The following KAT14 variants were observed in gnomAD, a reference collection of about 807,000 sequenced individuals.
The protein encoded by KAT14 is lysine acetyltransferase 14.
KAT14 carries 66 observed loss-of-function variants against 78.4 expected under a neutral mutation model. The observed-to-expected ratio is 0.84, with a 90% CI of 0.69 to 1.03. The LOEUF (loss-of-function observed/expected upper bound fraction) is 1.03, where lower values mean the gene tolerates loss of function less well. Among genes scored for constraint, KAT14 ranks in the 50% least tolerant of loss-of-function variants. The pLI is 0.00. For synonymous variants in KAT14, 344 were observed against 359.4 expected (o/e 0.96, Z 0.48); for missense variants, 870 against 972.5 (o/e 0.89, Z 1.40).
Position 18,181,720 on chromosome 20 carries a change from C to A in KAT14, c.1679C>A (p.Pro560Gln). ...RILDRYQTSL[P>Q]SRKGFRHQTT... ...GTTTCTTTCTCATAGACTTCCTTGC[C>A]GTCCAGGAAGGGATTTCGACACCAG... The change falls in exon 8 of 11, where the codon CCG (proline) becomes CAG (glutamine). Residue 560 changes from proline to glutamine, a missense_variant. Coordinates refer to ENST00000688188, the MANE Select transcript of KAT14 (RefSeq NM_001392073.1). 6.2e-7 allele frequency: 1 copy of A among 1,614,070 alleles called. No homozygotes were observed. The highest frequency in any genetic ancestry group is 1.7e-5 in the Admixed American group (1 of 60,004).
At chr20:18,174,696 T>C (rs1231234132) in intron 7 of KAT14, among the ~76,000 whole-genome samples, 4 of 150,788 alleles carry the variant, frequency 2.7e-5, no homozygotes, top group African/African-American at 9.7e-5. Flanking sequence ...GGATTTTTAC[T>C]GTTGTCGCCC....
chr20:18,179,659 C>T (rs1376042451), intron 7 of KAT14, among the ~76,000 whole-genome samples: 1 of 152,196 alleles, frequency 6.6e-6, no homozygotes, highest in Admixed American at 6.5e-5. Flanking sequence ...GAGGGGCTGC[C>T]ATGAATACCT....
chr20:18,141,051 T>TG lies in KAT14; in HGVS notation c.-453-1157_-453-1156insG, dbSNP rs1555801419. 7.7e-4 allele frequency among the ~76,000 whole-genome samples: 84 copies of TG among 109,698 alleles called. 5 individuals carry two copies. The highest frequency in any genetic ancestry group is 5.3e-3 in the Middle Eastern group (1 of 190). 72.0% of individuals were successfully genotyped at this position (109,698 alleles called of 152,430 possible). A position where few individuals can be genotyped will look rare whatever the true frequency, so the allele number is the denominator to read the frequency against. On this transcript the variant is annotated intron_variant, in intron 1 of 10. Coordinates refer to ENST00000688188, the MANE Select transcript of KAT14 (RefSeq NM_001392073.1). The stretch of plus-strand genomic sequence containing the variant: ...TTTTTTTTTTTTTTTTTTTTTATTT[T>TG]TATTTTTGCTAGAGATGGGATTTTG...
At chr20:18,152,713 G>A (rs1380997492) in intron 4 of KAT14, among the ~76,000 whole-genome samples, 1 of 152,196 alleles carries the variant, frequency 6.6e-6, no homozygotes, top group Non-Finnish European at 1.5e-5. Flanking sequence ...TGTATTACTA[G>A]TATTTGTTTT....
chr20:18,161,541 GAGT>G (rs1346005489), intron 5 of KAT14, among the ~76,000 whole-genome samples: 4 of 152,094 alleles, frequency 2.6e-5, no homozygotes, highest in Non-Finnish European at 5.9e-5. Context: ...AACTAAAGTT[GAGT>G]AGTTATTTTA....
At chr20:18,150,191 G>T (rs6081004) in intron 3 of KAT14, among the ~76,000 whole-genome samples, 1 of 152,112 alleles carries the variant, frequency 6.6e-6, no homozygotes, top group African/African-American at 2.4e-5. Context: ...TGAGTGGCTA[G>T]GCCTTTCAGT....
intron 2 of KAT14, chr20:18,143,180 C>A: frequency 1.7e-6 from 2 of 1,201,318 alleles, no homozygotes; most frequent in South Asian, 2.6e-5. Context: ...TCCTGTGTTA[C>A]TTAAAGAATT....
chr20:18,170,742 T>C (rs2038815738), intron 7 of KAT14, among the ~76,000 whole-genome samples: 1 of 152,196 alleles, frequency 6.6e-6, no homozygotes, highest in African/African-American at 2.4e-5. Context: ...TTTCACCGTG[T>C]TAGCCAGGAG....
Position 18,163,036 on chromosome 20 carries a change from C to T in KAT14, c.1668+91C>T, listed in dbSNP as rs2038506579. The T allele has an allele frequency of 3.5e-6, 5 of 1,434,464 alleles. No homozygotes were observed. In the Admixed American group the frequency reaches 8.1e-5, roughly 23 times the overall value. 88.9% of individuals were successfully genotyped at this position (1,434,464 alleles called of 1,614,324 possible). A position where few individuals can be genotyped will look rare whatever the true frequency, so the allele number is the denominator to read the frequency against. ...GCATTGGACATGGTTATGCTGTGAC[C>T]TTTTAAATCCTGAGTAATTTGGGAA... On this transcript the variant is annotated intron_variant, in intron 7 of 10. Transcript: ENST00000688188.
intron 4 of KAT14, among the ~76,000 whole-genome samples, chr20:18,152,948 G>A (rs1221090240): frequency 6.6e-6 from 1 of 152,186 alleles, no homozygotes; most frequent in Non-Finnish European, 1.5e-5. Flanking sequence ...TGTCCACGTG[G>A]ATCTATCAAG....
At chr20:18,159,942 C>T (rs1384998342) in intron 5 of KAT14, among the ~76,000 whole-genome samples, 2 of 152,176 alleles carry the variant, frequency 1.3e-5, no homozygotes, top group African/African-American at 4.8e-5. Context: ...GAGGTACAGT[C>T]TCGCTTTGTT....
rs1288288116 is a variant in KAT14, at chr20:18,181,811, C to T, written c.1770C>T (p.Ser590=). The change falls in exon 8 of 11, where the codon AGC becomes AGT. Residue 590 remains serine (S), a synonymous_variant. Transcript: ENST00000688188. The part of the protein sequence containing the change: ...EDMAVDQSIV[S]PYTSRILKPY... ...TGGCTGTGGACCAGAGTATTGTCAG[C>T]CCTTATACCTCTCGGATCTTGAAAC... 8 of 1,613,980 alleles carry T rather than the reference C, an allele frequency of 5.0e-6. No homozygotes were observed. The highest frequency in any genetic ancestry group is 6.8e-6 in the Non-Finnish European group (8 of 1,180,018).
At chr20:18,180,238 T>G (rs1049367351) in intron 7 of KAT14, among the ~76,000 whole-genome samples, 4 of 152,156 alleles carry the variant, frequency 2.6e-5, no homozygotes, top group Non-Finnish European at 4.4e-5. Flanking sequence ...TCATCTCAAA[T>G]TCAGAGTTCC....
intron 9 of KAT14, 196 bp downstream of exon 9, chr20:18,183,494 G>A (rs2039340805): frequency 1.0e-6 from 1 of 983,780 alleles, no homozygotes; most frequent in Admixed American, 6.1e-5. Flanking sequence ...AATAAACAGT[G>A]TTTTTGTTTG....
chr20:18,153,789 A>G (rs568271175), intron 4 of KAT14, among the ~76,000 whole-genome samples: 1 of 152,318 alleles, frequency 6.6e-6, no homozygotes, highest in Non-Finnish European at 1.5e-5. Flanking sequence ...CACCTGAAAA[A>G]TACATTAATT....
intron 4 of KAT14, among the ~76,000 whole-genome samples, chr20:18,156,884 C>G (rs541571542): frequency 1.3e-5 from 2 of 152,320 alleles, no homozygotes; most frequent in South Asian, 4.1e-4. Flanking sequence ...TTCACAAGTA[C>G]TGGGACTTCC....
chr20:18,160,388 A>C (rs2038375771), intron 5 of KAT14, among the ~76,000 whole-genome samples: 1 of 152,194 alleles, frequency 6.6e-6, no homozygotes, highest in Admixed American at 6.5e-5. Flanking sequence ...GTTTTTTAAA[A>C]AAGTAAAATG....
intron 5 of KAT14, among the ~76,000 whole-genome samples, chr20:18,161,440 A>T (rs2038417364): frequency 6.6e-6 from 1 of 152,092 alleles, no homozygotes; most frequent in Non-Finnish European, 1.5e-5. Context: ...TTTTCTCAAG[A>T]GATATCTAAG....
At chr20:18,165,230 C>T (rs1057072634) in intron 7 of KAT14, among the ~76,000 whole-genome samples, 5 of 151,928 alleles carry the variant, frequency 3.3e-5, no homozygotes, top group Non-Finnish European at 5.9e-5. Context: ...TAAAAAAATA[C>T]TGAGTAGCAA....
Sources: allele counts gnomAD v4.1 joint callset (sites outside exome capture counted in the v4.1 genomes callset), GRCh38; gene constraint gnomAD v4.1.1; transcripts MANE v1.5; gene names NCBI Gene and HGNC (gene_info 2026-07-23, HGNC 2026-07-21).